ST8SIA1: variants seen among roughly 807,000 people sequenced by gnomAD.
ST8SIA1 encodes the protein ST8 alpha-N-acetyl-neuraminide alpha-2,8-sialyltransferase 1, also known as alpha-N-acetylneuraminide alpha-2,8-sialyltransferase.
Under a neutral mutation model 35.9 loss-of-function variants are expected in ST8SIA1, and 16 were observed. That is an observed-to-expected ratio of 0.45 (90% CI 0.30 to 0.68). The LOEUF is 0.68. Ranked by LOEUF, ST8SIA1 falls within the 30% of genes least tolerant of loss-of-function variation. ST8SIA1 has a pLI of 0.09. For synonymous variants in ST8SIA1, 170 were observed against 169.6 expected (o/e 1.00, Z -0.02); for missense variants, 383 against 453.6 (o/e 0.84, Z 1.41).
intron 4 of ST8SIA1, among the ~76,000 whole-genome samples, chr12:22,227,662 A>G (rs1011922180): frequency 6.6e-6 from 1 of 152,240 alleles, no homozygotes; most frequent in African/African-American, 2.4e-5. Flanking sequence ...TAAATAGTAG[A>G]AAAACAAACA....
intron 2 of ST8SIA1, among the ~76,000 whole-genome samples, chr12:22,255,679 G>C (rs1239694470): frequency 3.0e-5 from 3 of 100,366 alleles, no homozygotes; most frequent in Non-Finnish European, 6.3e-5. Flanking sequence ...TGTTTGCTAG[G>C]GAAAATTAAA....
In ST8SIA1 at chr12:22,292,669, C is replaced by T. The variant is rs1256874260; in HGVS notation, c.237-5376G>A. Among the ~76,000 whole-genome samples the T allele has an allele frequency of 2.6e-5, 4 of 152,254 alleles. No homozygotes were observed. The East Asian group carries it at 7.7e-4, about 29-fold the overall frequency. On this transcript the variant is annotated intron_variant, in intron 1 of 4. Coordinates refer to ENST00000396037, the MANE Select transcript of ST8SIA1 (RefSeq NM_003034.4). ...GAACAGAAAACAAATACTGCATGTTCTCACTTATAAGTGGAAGCTAAACAC... is the reference window on the plus strand; with the variant it reads ...GAACAGAAAACAAATACTGCATGTTTTCACTTATAAGTGGAAGCTAAACAC...
At chr12:22,260,165 CT>C (rs200518743) in intron 2 of ST8SIA1, among the ~76,000 whole-genome samples, 253 of 142,084 alleles carry the variant, frequency 1.8e-3, no homozygotes, top group Non-Finnish European at 2.0e-3. Context: ...TTTTTTCTTC[CT>C]TTTTTTTTTT....
intron 4 of ST8SIA1, among the ~76,000 whole-genome samples, chr12:22,240,277 A>G (rs1865525089): frequency 6.6e-6 from 1 of 152,182 alleles, no homozygotes; most frequent in Non-Finnish European, 1.5e-5. Flanking sequence ...CACTAGCACT[A>G]TAATTTGAAA....
At chr12:22,275,780 A>AT (rs1208157161) in intron 2 of ST8SIA1, among the ~76,000 whole-genome samples, 1 of 152,234 alleles carries the variant, frequency 6.6e-6, no homozygotes, top group African/African-American at 2.4e-5. Flanking sequence ...TGGAAACCAG[A>AT]TGGGGCTCAG....
intron 2 of ST8SIA1, among the ~76,000 whole-genome samples, chr12:22,272,345 C>T (rs1460008116): frequency 6.6e-6 from 1 of 152,142 alleles, no homozygotes; most frequent in Non-Finnish European, 1.5e-5. Context: ...CAAGGACAGT[C>T]AAAAAGTTTT....
Position 22,196,698 on chromosome 12 carries a change from G to A in ST8SIA1, c.*4854C>T, listed in dbSNP as rs909082583. ...AAGGACTCAGACTATCCATATGAATGAGGGGGAAAAGTTCCACTTTAGAAT... is the reference window on the plus strand; with the variant it reads ...AAGGACTCAGACTATCCATATGAATAAGGGGGAAAAGTTCCACTTTAGAAT... On this transcript the variant is annotated 3_prime_UTR_variant, in exon 5 of 5. Transcript: ENST00000396037. 1 of 152,226 alleles carries A rather than the reference G, an allele frequency of 6.6e-6. No homozygotes were observed. Among genetic ancestry groups the A allele is most frequent in the Non-Finnish European group, 1.5e-5 (1 of 68,054 alleles). 9.4% of individuals were successfully genotyped at this position (152,226 alleles called of 1,614,324 possible).
intron 4 of ST8SIA1, among the ~76,000 whole-genome samples, chr12:22,230,648 A>G (rs1379336202): frequency 6.6e-6 from 1 of 152,186 alleles, no homozygotes; most frequent in African/African-American, 2.4e-5. Context: ...AACCACAGAG[A>G]GAAGTAAAAC....
chr12:22,215,832 A>C (rs925352706), intron 4 of ST8SIA1, among the ~76,000 whole-genome samples: 1 of 152,220 alleles, frequency 6.6e-6, no homozygotes, highest in Non-Finnish European at 1.5e-5. Flanking sequence ...AGGCTGAGCC[A>C]CATAAAGTGG....
In ST8SIA1 at chr12:22,196,546, T is replaced by C. The variant is rs2120587231; in HGVS notation, c.*5006A>G. ...AATTTTCTAGTGCTCAACCTAAATATTGTGGCCTCATATTTAGGAGTTTAT... is the reference window on the plus strand; with the variant it reads ...AATTTTCTAGTGCTCAACCTAAATACTGTGGCCTCATATTTAGGAGTTTAT... On this transcript the variant is annotated 3_prime_UTR_variant, in exon 5 of 5. Coordinates refer to ENST00000396037, the MANE Select transcript of ST8SIA1 (RefSeq NM_003034.4). 1 of 152,276 alleles carries C rather than the reference T, an allele frequency of 6.6e-6. No individual in the cohort carries two copies. The highest frequency in any genetic ancestry group is 1.9e-4 in the East Asian group (1 of 5,180). The allele number at this position is 152,276 out of a possible 1,614,324, so 9.4% of individuals were successfully genotyped here.
chr12:22,291,007 A>G (rs970444560), intron 1 of ST8SIA1, among the ~76,000 whole-genome samples: 2 of 152,196 alleles, frequency 1.3e-5, no homozygotes, highest in Non-Finnish European at 2.9e-5. Context: ...ATTTGAATTC[A>G]AGCTTCAGTA....
intron 1 of ST8SIA1, among the ~76,000 whole-genome samples, chr12:22,329,535 C>A (rs1866731505): frequency 6.6e-6 from 1 of 151,982 alleles, no homozygotes; most frequent in Non-Finnish European, 1.5e-5. Context: ...CCTCTTTTTC[C>A]CAAACTACCT....
chr12:22,274,435 G>A (rs909856181), intron 2 of ST8SIA1, among the ~76,000 whole-genome samples: 2 of 152,162 alleles, frequency 1.3e-5, no homozygotes, highest in Admixed American at 6.5e-5. Context: ...GAGAAAATAA[G>A]AAGTGGATGT....
In ST8SIA1 at chr12:22,325,879, C is replaced by G. The variant is rs772037503; in HGVS notation, c.236+8118G>C. ...GAACACAAGCACGGTGATCCCACCA[C>G]CAAGATGGATATTAAGTGACTCATG... On this transcript the variant is annotated intron_variant, in intron 1 of 4. Coordinates refer to ENST00000396037, the MANE Select transcript of ST8SIA1 (RefSeq NM_003034.4). 3.8e-5 allele frequency: 27 copies of G among 701,552 alleles called. No individual in the cohort carries two copies. In the African/African-American group the frequency reaches 4.6e-4, roughly 12 times the overall value. The allele number at this position is 701,552 out of a possible 1,614,324, so 43.5% of individuals were successfully genotyped here. A position where few individuals can be genotyped will look rare whatever the true frequency, so the allele number is the denominator to read the frequency against.
chr12:22,194,522 G>T lies in ST8SIA1; in HGVS notation c.*7030C>A, dbSNP rs1280797181. 1 of 152,158 alleles carries T rather than the reference G, an allele frequency of 6.6e-6. No homozygotes were observed. The highest frequency in any genetic ancestry group is 1.5e-5 in the Non-Finnish European group (1 of 68,044). The allele number at this position is 152,158 out of a possible 1,614,324, so 9.4% of individuals were successfully genotyped here. On this transcript the variant is annotated 3_prime_UTR_variant, in exon 5 of 5. Coordinates refer to ENST00000396037, the MANE Select transcript of ST8SIA1 (RefSeq NM_003034.4). ...AGAGGTATATGAAGGAAACACATAA[G>T]GAAGTAGGGGTCAAGCCAGAAAAAG...
chr12:22,307,532 G>C (rs1204026942), intron 1 of ST8SIA1, among the ~76,000 whole-genome samples: 1 of 152,114 alleles, frequency 6.6e-6, no homozygotes, highest in Non-Finnish European at 1.5e-5. Flanking sequence ...GCAACTCCTT[G>C]CACCTGTGGG....
intron 4 of ST8SIA1, among the ~76,000 whole-genome samples, chr12:22,224,069 G>A (rs1382050904): frequency 1.3e-5 from 2 of 152,106 alleles, no homozygotes; most frequent in African/African-American, 2.4e-5. Flanking sequence ...AGCAGTGCAT[G>A]AGAATATACA....
chr12:22,299,269 T>C (rs995239526), intron 1 of ST8SIA1, among the ~76,000 whole-genome samples: 1 of 152,162 alleles, frequency 6.6e-6, no homozygotes, highest in Non-Finnish European at 1.5e-5. Flanking sequence ...ATTCAAAGCT[T>C]ATTTAACTGT....
intron 4 of ST8SIA1, among the ~76,000 whole-genome samples, chr12:22,242,553 A>T (rs1228957938): frequency 6.6e-6 from 1 of 152,226 alleles, no homozygotes; most frequent in Non-Finnish European, 1.5e-5. Context: ...AAAAATAATC[A>T]AGGGAATGAT....
Sources: allele counts gnomAD v4.1 joint callset (sites outside exome capture counted in the v4.1 genomes callset), GRCh38; gene constraint gnomAD v4.1.1; transcripts MANE v1.5; gene names NCBI Gene and HGNC (gene_info 2026-07-23, HGNC 2026-07-21).